USH2A: variants seen among roughly 807,000 people sequenced by gnomAD.
USH2A encodes Usher syndrome 2A (autosomal recessive, mild).
USH2A carries 443 observed loss-of-function variants against 538.9 expected under a neutral mutation model. The observed-to-expected ratio is 0.82, with a 90% confidence interval of 0.76 to 0.89. The LOEUF is 0.89. Ranked by LOEUF, USH2A falls within the 40% of genes least tolerant of loss-of-function variation. The pLI is 0.00. For missense variants in USH2A, 6,633 were observed against 6,324.8 expected (o/e 1.05, Z -1.65); for synonymous variants, 2,413 against 2,273.5 (o/e 1.06, Z -1.75).
At chr1:215,749,354 C>T (rs1282300763) in intron 58 of USH2A, among the ~76,000 whole-genome samples, 1 of 152,132 alleles carries the variant, frequency 6.6e-6, no homozygotes, top group Non-Finnish European at 1.5e-5. Flanking sequence ...GCTAGCCAAA[C>T]CATGAGCATA....
intron 64 of USH2A, among the ~76,000 whole-genome samples, chr1:215,656,828 T>C (rs1308598808): frequency 6.6e-6 from 1 of 152,242 alleles, no homozygotes; most frequent in Non-Finnish European, 1.5e-5. Flanking sequence ...GGAGACATAA[T>C]TGTTTATAAA....
chr1:215,758,839 G>T, intron 57 of USH2A, 87 bp from the exon 58 acceptor site: 1 of 1,454,964 alleles, frequency 6.9e-7, no homozygotes, highest in East Asian at 2.3e-5. Flanking sequence ...CAATTGCTTA[G>T]TCCTAAATTT....
chr1:215,680,684 A>G (rs1217286547), intron 61 of USH2A, among the ~76,000 whole-genome samples: 3 of 152,040 alleles, frequency 2.0e-5, no homozygotes, highest in Non-Finnish European at 2.9e-5. Context: ...AAAACAAAAC[A>G]TGATGCTTCA....
intron 21 of USH2A, among the ~76,000 whole-genome samples, chr1:216,113,838 T>C (rs1296643649): frequency 1.3e-5 from 2 of 151,836 alleles, no homozygotes; most frequent in African/African-American, 4.8e-5. Flanking sequence ...CTTACTTATA[T>C]TTTTTCTGTT....
chr1:216,347,760 T>G (rs1430303828), intron 4 of USH2A, among the ~76,000 whole-genome samples: 5 of 152,148 alleles, frequency 3.3e-5, no homozygotes, highest in Non-Finnish European at 5.9e-5. Context: ...GTTCTAAAAC[T>G]TTTTGTCATC....
At chr1:215,757,525 A>T (rs1453567218) in intron 58 of USH2A, among the ~76,000 whole-genome samples, 1 of 152,228 alleles carries the variant, frequency 6.6e-6, no homozygotes, top group Non-Finnish European at 1.5e-5. Flanking sequence ...TCTGATGGCG[A>T]CAAAAAGGGC....
intron 21 of USH2A, among the ~76,000 whole-genome samples, chr1:216,121,717 T>A (rs1366751302): frequency 6.6e-6 from 1 of 152,226 alleles, no homozygotes; most frequent in African/African-American, 2.4e-5. Context: ...ATGATGTCTG[T>A]ACAAAGTTTC....
intron 2 of USH2A, among the ~76,000 whole-genome samples, chr1:216,419,384 C>G (rs1286735616): frequency 6.6e-6 from 1 of 152,056 alleles, no homozygotes; most frequent in Non-Finnish European, 1.5e-5. Context: ...CAGAAAACTT[C>G]CAGGTCTTGT....
At chr1:215,627,206 G>A (rs560823073) in intron 71 of USH2A, among the ~76,000 whole-genome samples, 2 of 152,072 alleles carry the variant, frequency 1.3e-5, no homozygotes, top group Non-Finnish European at 2.9e-5. Flanking sequence ...CAACTTTTCA[G>A]TGAAGGAAAA....
At chr1:216,367,815 T>A (rs573540037) in intron 3 of USH2A, among the ~76,000 whole-genome samples, 1 of 152,156 alleles carries the variant, frequency 6.6e-6, no homozygotes, top group Non-Finnish European at 1.5e-5. Context: ...AAGACTGAGG[T>A]GGATTTTTGC....
chr1:216,408,344 T>C (rs1473643615), intron 3 of USH2A, among the ~76,000 whole-genome samples: 1 of 152,154 alleles, frequency 6.6e-6, no homozygotes, highest in Non-Finnish European at 1.5e-5. Context: ...TATACATATA[T>C]TGCGCATACA....
intron 38 of USH2A, among the ~76,000 whole-genome samples, chr1:215,903,368 T>C (rs530058759): frequency 6.6e-6 from 1 of 152,102 alleles, no homozygotes; most frequent in East Asian, 1.9e-4. Flanking sequence ...AGGGAATTTA[T>C]TCTAAAAGGG....
chr1:215,627,449 C>CTTCCTTCCTTCCTTCCTTCT (rs1656089136), intron 71 of USH2A, among the ~76,000 whole-genome samples: 2 of 83,926 alleles, frequency 2.4e-5, no homozygotes, highest in African/African-American at 7.6e-5. Flanking sequence ...TCCTTCCTTC[C>CTTCCTTCCTTCCTTCCTTCT]TTCCTTCCTT....
At chr1:215,627,214 A>G (rs772723546) in intron 71 of USH2A, among the ~76,000 whole-genome samples, 7 of 152,182 alleles carry the variant, frequency 4.6e-5, no homozygotes, top group African/African-American at 1.2e-4. Context: ...CAGTGAAGGA[A>G]AAGTGAGAAC....
In USH2A at chr1:215,900,204, G is replaced by C. The variant is rs1319739577; in HGVS notation, c.7465C>G (p.Pro2489Ala). ...ACTTCATAGCTTAACGATGCAGAAG[G>C]ATTGGAAAATAACCTGTATGGGAAA... is the stretch of plus-strand genomic sequence containing the variant. Reference protein sequence around the residue: ...THGFLELFSNPSASLSYEVSD... With the variant: ...THGFLELFSNASASLSYEVSD... Residue 2489 changes from proline (P) to alanine (A), a missense_variant, in exon 40 of 72, where the codon CCT becomes GCT. Coordinates refer to ENST00000307340, the MANE Select transcript of USH2A (RefSeq NM_206933.4). 6.2e-7 allele frequency: 1 copy of C among 1,613,492 alleles called. No homozygotes were observed. Among genetic ancestry groups the C allele is most frequent in the Non-Finnish European group, 8.5e-7 (1 of 1,179,686 alleles).
chr1:215,676,711 T>A (rs184261231), intron 62 of USH2A, among the ~76,000 whole-genome samples: 3 of 152,282 alleles, frequency 2.0e-5, no homozygotes, highest in African/African-American at 7.2e-5. Context: ...ACCACCCCCA[T>A]GTGGGAAGGG....
intron 6 of USH2A, 33 bp from the exon 7 acceptor site, chr1:216,324,385 G>T: frequency 1.3e-6 from 2 of 1,552,020 alleles, no homozygotes; most frequent in Non-Finnish European, 1.8e-6. Flanking sequence ...TGTAATTAAA[G>T]TTTTAAGTTT....
intron 30 of USH2A, among the ~76,000 whole-genome samples, chr1:216,064,905 C>T (rs747314733): frequency 3.3e-5 from 5 of 152,090 alleles, no homozygotes; most frequent in Non-Finnish European, 7.4e-5. Flanking sequence ...TTTAGCAATG[C>T]ATGACTGTAC....
intron 14 of USH2A, 34 bp from the exon 15 acceptor site, chr1:216,217,584 T>G (rs1455511234): frequency 1.2e-6 from 2 of 1,609,478 alleles, no homozygotes; most frequent in South Asian, 1.1e-5. Context: ...TCAAAGAGAA[T>G]AGTGTTTTGA....
Sources: allele counts gnomAD v4.1 joint callset (sites outside exome capture counted in the v4.1 genomes callset), GRCh38; gene constraint gnomAD v4.1.1; transcripts MANE v1.5; gene names NCBI Gene and HGNC (gene_info 2026-07-23, HGNC 2026-07-21).